ZNF292: variants seen among roughly 807,000 people sequenced by gnomAD.
ZNF292 encodes the protein zinc finger protein 292.
Under a neutral mutation model 217.9 loss-of-function variants are expected in ZNF292, and 26 were observed. The observed-to-expected ratio is 0.12, with a 90% confidence interval of 0.09 to 0.17. The LOEUF is 0.17. ZNF292 is among the 10% of genes least tolerant of loss of function. ZNF292 has a pLI of 1.00. For missense variants in ZNF292, 2,904 were observed against 3,175.2 expected, an observed-to-expected ratio of 0.91 and a Z score of 2.05; for synonymous variants, 1,257 against 1,124.1, an observed-to-expected ratio of 1.12 and a Z score of -2.37.
chr6:87,256,848 T>C lies in ZNF292; in HGVS notation c.3219T>C (p.Phe1073=). The change falls in exon 8 of 8, where the codon TTT becomes TTC. Residue 1073 remains phenylalanine, a synonymous_variant. Coordinates refer to ENST00000369577, the MANE Select transcript of ZNF292 (RefSeq NM_015021.3). ...TTAAGACATTAGAAAGTATTGCATT[T>C]GTTCCACCGCAGTCCGACCTAAGTA... The part of the protein sequence containing the change: ...LPLKTLESIA[F]VPPQSDLSNS... The C allele has an allele frequency of 6.2e-7, 1 of 1,613,844 alleles. No individual in the cohort carries two copies. The highest frequency in any genetic ancestry group is 8.5e-7 in the Non-Finnish European group (1 of 1,179,822).
rs1324168631 is a variant in ZNF292, at chr6:87,240,244, C to G, written c.742-3231C>G. Among the ~76,000 whole-genome samples, 4 of 152,194 alleles carry G rather than the reference C, an allele frequency of 2.6e-5. No individual in the cohort carries two copies. In the East Asian group the frequency reaches 5.8e-4, roughly 22 times the overall value. On this transcript the variant is annotated intron_variant, in intron 5 of 7. Transcript: ENST00000369577. The stretch of plus-strand genomic sequence containing the variant: ...GCATGCGCCTGCAATCTCAGGCACT[C>G]AGCAGGCTGAGGCAGGAGAATCAGG...
rs1030578142 is a variant in ZNF292 at position 87,198,428 on chromosome 6, T to C, written c.169-17475T>C. ...ACTGTGTTAGCTAGGATAGTCTTGA[T>C]CTCCTCACCTCGTGATCCGCCCGCC... On this transcript the variant is annotated intron_variant, in intron 1 of 7. Coordinates refer to ENST00000369577, the MANE Select transcript of ZNF292 (RefSeq NM_015021.3). Among the ~76,000 whole-genome samples the C allele has an allele frequency of 4.6e-5, 7 of 152,084 alleles. No homozygotes were observed. The East Asian group carries it at 1.3e-3, about 29-fold the overall frequency.
rs561386549 is a variant in ZNF292 at position 87,264,843 on chromosome 6, G to T, written c.*3042G>T. On this transcript the variant is annotated 3_prime_UTR_variant, in exon 8 of 8. Transcript: ENST00000369577. Reference sequence around the variant, plus strand: ...CAGTATCAGTTTTAGAAAGATAATTGTCATGGTATAGTGGATAAATTGAGT... The same window carrying T: ...CAGTATCAGTTTTAGAAAGATAATTTTCATGGTATAGTGGATAAATTGAGT... Among the ~76,000 whole-genome samples, 1 of 152,284 alleles carries T rather than the reference G, an allele frequency of 6.6e-6. No homozygotes were observed. The highest frequency in any genetic ancestry group is 2.4e-5 in the African/African-American group (1 of 41,560).
At chr6:87,156,434 A>G (rs1582355298) in intron 1 of ZNF292, among the ~76,000 whole-genome samples, 1 of 152,264 alleles carries the variant, frequency 6.6e-6, no homozygotes, top group Non-Finnish European at 1.5e-5. Flanking sequence ...TCTGTGGTAA[A>G]GCTTTATCTC....
chr6:87,227,295 C>G (rs2127816825), intron 4 of ZNF292, among the ~76,000 whole-genome samples: 3 of 152,214 alleles, frequency 2.0e-5, no homozygotes, highest in Middle Eastern at 6.8e-3. Context: ...TGCCAGGGCC[C>G]TACCTCATAC....
intron 5 of ZNF292, among the ~76,000 whole-genome samples, chr6:87,235,759 C>T (rs561093002): frequency 6.6e-6 from 1 of 152,076 alleles, no homozygotes; most frequent in Admixed American, 6.5e-5. Context: ...CCCTCCCCCC[C>T]ACTTCTCATG....
chr6:87,167,681 C>T (rs1007812117), intron 1 of ZNF292, among the ~76,000 whole-genome samples: 1 of 152,146 alleles, frequency 6.6e-6, no homozygotes, highest in Admixed American at 6.5e-5. Flanking sequence ...GTTTTAATGA[C>T]AACCTTGCTG....
In ZNF292 at chr6:87,258,733, G is replaced by A. The variant is rs1206948418; in HGVS notation, c.5104G>A (p.Val1702Ile). The A allele has an allele frequency of 1.2e-6, 2 of 1,613,286 alleles. No individual in the cohort carries two copies. Among genetic ancestry groups the A allele is most frequent in the Non-Finnish European group, 1.7e-6 (2 of 1,179,664 alleles). ...TAACAATCAGTTATTTATGACTGAT[G>A]TAAAAGAGAATTTCAAAACCAGTCT... Reference protein sequence around the residue: ...NVNNQLFMTDVKENFKTSLES... With the variant: ...NVNNQLFMTDIKENFKTSLES... The change falls in exon 8 of 8, where the codon GTA (valine) becomes ATA (isoleucine). Residue 1702 changes from valine to isoleucine, a missense_variant. Transcript: ENST00000369577.
Position 87,258,100 on chromosome 6 carries a change from A to G in ZNF292, c.4471A>G (p.Lys1491Glu), listed in dbSNP as rs1377675546. 2 of 1,613,246 alleles carry G rather than the reference A, an allele frequency of 1.2e-6. No homozygotes were observed. The highest frequency in any genetic ancestry group is 3.3e-5 in the Admixed American group (2 of 59,838). Residue 1491 changes from lysine to glutamate, a missense_variant, in exon 8 of 8, where the codon AAA (lysine) becomes GAA (glutamate). Physicochemically the swap from Lys to Glu is moderately conservative, Grantham distance 56 (BLOSUM62 1). Transcript: ENST00000369577. Reference sequence around the variant, plus strand: ...CAGTCAAGAAGGTAGTGAAATTATTAAACAGGCTTTGGAAACTGCTGGCAT... The same window carrying G: ...CAGTCAAGAAGGTAGTGAAATTATTGAACAGGCTTTGGAAACTGCTGGCAT... ...SVSQEGSEII[K>E]QALETAGIPS... is the part of the protein sequence containing the mutation.
At position 87,265,648 on chromosome 6, in the gene ZNF292, T is replaced by C. The variant is rs571686547; in HGVS notation, c.*3847T>C. Among the ~76,000 whole-genome samples, 1 of 152,368 alleles carries C rather than the reference T, an allele frequency of 6.6e-6. No individual in the cohort carries two copies. Among genetic ancestry groups the C allele is most frequent in the South Asian group, 2.1e-4 (1 of 4,828 alleles). On this transcript the variant is annotated 3_prime_UTR_variant, in exon 8 of 8. Transcript: ENST00000369577. ...AACATTTTTCTTCTTTTAATGTTAA[T>C]ACTTAGTTATATCCCACTGAACTAG...
intron 1 of ZNF292, among the ~76,000 whole-genome samples, chr6:87,213,033 G>A (rs1772571066): frequency 6.6e-6 from 1 of 152,196 alleles, no homozygotes; most frequent in Non-Finnish European, 1.5e-5. Context: ...AGGAGAAATG[G>A]CATACAGATT....
chr6:87,233,632 T>C, intron 5 of ZNF292, 105 bp downstream of exon 5: 1 of 1,480,956 alleles, frequency 6.8e-7, no homozygotes, highest in Non-Finnish European at 8.9e-7. Context: ...AAGAGATCAT[T>C]GTCAATCTTA....
chr6:87,200,086 G>T (rs561156686), intron 1 of ZNF292, among the ~76,000 whole-genome samples: 1 of 152,242 alleles, frequency 6.6e-6, no homozygotes, highest in African/African-American at 2.4e-5. Context: ...GTACATCCTG[G>T]GCTTGTAGGT....
Position 87,264,456 on chromosome 6 carries a change from G to A in ZNF292, c.*2655G>A, listed in dbSNP as rs892489525. Among the ~76,000 whole-genome samples the A allele has an allele frequency of 6.6e-6, 1 of 152,192 alleles. No homozygotes were observed. The highest frequency in any genetic ancestry group is 1.5e-5 in the Non-Finnish European group (1 of 68,044). ...TTTAAGGCAAATTTTTATCAAGTGA[G>A]CAGTCACAGTTGCTGTAGATAATAT... On this transcript the variant is annotated 3_prime_UTR_variant, in exon 8 of 8. Coordinates refer to ENST00000369577, the MANE Select transcript of ZNF292 (RefSeq NM_015021.3).
intron 4 of ZNF292, among the ~76,000 whole-genome samples, chr6:87,219,973 A>ACC (rs1424818895): frequency 6.6e-6 from 1 of 152,048 alleles, no homozygotes; most frequent in Non-Finnish European, 1.5e-5. Flanking sequence ...GACACATGCC[A>ACC]CCACACTCAG....
At chr6:87,185,049 T>G (rs1771602037) in intron 1 of ZNF292, among the ~76,000 whole-genome samples, 4 of 152,126 alleles carry the variant, frequency 2.6e-5, no homozygotes, top group Non-Finnish European at 5.9e-5. Flanking sequence ...ACACCCAAAA[T>G]AGTGCTTTAA....
intron 3 of ZNF292, 36 bp from the exon 4 acceptor site, chr6:87,218,560 G>C: frequency 6.7e-7 from 1 of 1,497,808 alleles, no homozygotes; most frequent in Non-Finnish European, 8.9e-7. Flanking sequence ...TTAAAAATCT[G>C]TTGTAATTCT....
chr6:87,177,017 A>C (rs1227478372), intron 1 of ZNF292, among the ~76,000 whole-genome samples: 57 of 150,186 alleles, frequency 3.8e-4, no homozygotes, highest in Middle Eastern at 6.9e-3. Flanking sequence ...ACTCCTCCCC[A>C]CAGACACACA....
rs765344279 is a variant in ZNF292 at position 87,258,513 on chromosome 6, T to C, written c.4884T>C (p.Ser1628=). The C allele has an allele frequency of 1.9e-6, 3 of 1,613,710 alleles. No homozygotes were observed. In the South Asian group the frequency reaches 3.3e-5, roughly 18 times the overall value. Residue 1628 remains serine, a synonymous_variant, in exon 8 of 8, where the codon TCT becomes TCC. Transcript: ENST00000369577. ...TAAATAAAAAGGGAAACAGTGCTTC[T>C]AAGAGAAGAAAGAAAGTTGCTCCTC... The part of the protein sequence containing the change: ...SHLNKKGNSA[S]KRRKKVAPPL...
Sources: allele counts gnomAD v4.1 joint callset (sites outside exome capture counted in the v4.1 genomes callset), GRCh38; gene constraint gnomAD v4.1.1; transcripts MANE v1.5; gene names NCBI Gene and HGNC (gene_info 2026-07-23, HGNC 2026-07-21).